CCDC169: variants seen among roughly 807,000 people sequenced by gnomAD.
CCDC169 encodes coiled-coil domain containing 169, also known as coiled-coil domain-containing protein 169.
CCDC169 carries 30 observed loss-of-function variants against 36.0 expected under a neutral mutation model. That is an observed-to-expected ratio of 0.83 (90% CI 0.62 to 1.13). CCDC169 has a LOEUF of 1.13. Among genes scored for constraint, CCDC169 ranks in the 50% most tolerant of loss-of-function variants. The probability of loss-of-function intolerance (pLI) is 0.00; values close to 1 mark genes in which losing one functional copy is unlikely to be tolerated. For missense variants in CCDC169, 245 were observed against 245.9 expected (o/e 1.00, Z 0.03); for synonymous variants, 85 against 81.5 (o/e 1.04, Z -0.23).
chr13:36,231,325 A>C, intron 7 of CCDC169, 33 bp from the exon 8 acceptor site: 1 of 1,546,190 alleles, frequency 6.5e-7, no homozygotes, highest in African/African-American at 1.4e-5. Flanking sequence ...ATAATTTTTC[A>C]GTCACCATTA....
intron 7 of CCDC169, among the ~76,000 whole-genome samples, chr13:36,242,909 A>G (rs1198172085): frequency 1.3e-5 from 2 of 152,160 alleles, no homozygotes; most frequent in Admixed American, 1.3e-4. Flanking sequence ...GTGGGGAGGA[A>G]TGAGTTTGGC....
intron 4 of CCDC169, among the ~76,000 whole-genome samples, chr13:36,255,818 C>T (rs537264330): frequency 8.5e-4 from 130 of 152,332 alleles, no homozygotes; most frequent in African/African-American, 2.6e-3. Flanking sequence ...TTGTCATCCA[C>T]AGTCTTCAGA....
chr13:36,243,301 A>G (rs1026756525), intron 7 of CCDC169, among the ~76,000 whole-genome samples: 1 of 152,062 alleles, frequency 6.6e-6, no homozygotes, highest in African/African-American at 2.4e-5. Context: ...GGAGTTCGAG[A>G]CCAGCCTGGC....
chr13:36,274,808 T>C (rs368724686), intron 4 of CCDC169, among the ~76,000 whole-genome samples: 21 of 151,764 alleles, frequency 1.4e-4, no homozygotes, highest in Middle Eastern at 3.4e-3. Flanking sequence ...AAAGTATACT[T>C]AGGTTTTTAA....
intron 6 of CCDC169, among the ~76,000 whole-genome samples, 168 bp downstream of exon 6, chr13:36,253,635 C>T (rs9546884): frequency 0.41 from 61,652 of 151,950 alleles, 13,281 homozygotes; most frequent in Non-Finnish European, 0.48. Flanking sequence ...GTGCCCAGCC[C>T]TTTTTATTTT....
At chr13:36,249,216 ATCATT>A (rs1566066320) in intron 6 of CCDC169, among the ~76,000 whole-genome samples, 38 of 152,340 alleles carry the variant, frequency 2.5e-4, no homozygotes, top group Non-Finnish European at 2.6e-4. Flanking sequence ...AGTGAATGAG[ATCATT>A]CATTGAGGGT....
At chr13:36,235,552 C>T (rs1870969693) in intron 7 of CCDC169, among the ~76,000 whole-genome samples, 1 of 151,850 alleles carries the variant, frequency 6.6e-6, no homozygotes, top group African/African-American at 2.4e-5. Context: ...AAAGCTTTCT[C>T]TCTAAGATAA....
intron 4 of CCDC169, among the ~76,000 whole-genome samples, chr13:36,282,225 A>G (rs1192575214): frequency 6.6e-6 from 1 of 152,218 alleles, no homozygotes; most frequent in Non-Finnish European, 1.5e-5. Flanking sequence ...CTATCCCACA[A>G]AAGCAACTAA....
intron 1 of CCDC169, among the ~76,000 whole-genome samples, 171 bp downstream of exon 1, chr13:36,297,466 A>G (rs558554668): frequency 6.6e-6 from 1 of 152,284 alleles, no homozygotes; most frequent in South Asian, 2.1e-4. Context: ...TTACTCAAAG[A>G]GGCACGTGAA....
At chr13:36,284,686 C>G (rs1470433661) in intron 2 of CCDC169, among the ~76,000 whole-genome samples, 1 of 152,200 alleles carries the variant, frequency 6.6e-6, no homozygotes, top group Non-Finnish European at 1.5e-5. Context: ...CCAAAGCTAA[C>G]TTTTTCGAGT....
chr13:36,261,528 T>A (rs1245852843), intron 4 of CCDC169, among the ~76,000 whole-genome samples: 5 of 151,918 alleles, frequency 3.3e-5, no homozygotes, highest in Non-Finnish European at 7.3e-5. Context: ...AGAAGGAAGT[T>A]TGTTTGTTTT....
At chr13:36,247,516 GT>G (rs138458115) in intron 7 of CCDC169, among the ~76,000 whole-genome samples, 21,883 of 152,164 alleles carry the variant, frequency 0.14, 1,750 homozygotes, top group Non-Finnish European at 0.18. Context: ...ATTAAAAGAA[GT>G]TTGGAAGAAG....
chr13:36,245,075 G>C (rs935399883), intron 7 of CCDC169, among the ~76,000 whole-genome samples: 1 of 152,152 alleles, frequency 6.6e-6, no homozygotes, highest in Non-Finnish European at 1.5e-5. Context: ...CTATACTTGA[G>C]TGGCTCTTAC....
intron 4 of CCDC169, among the ~76,000 whole-genome samples, chr13:36,266,049 T>A (rs1294935992): frequency 7.2e-5 from 11 of 152,180 alleles, no homozygotes. Flanking sequence ...AAACTTTGAC[T>A]AGTATTGCAG....
intron 6 of CCDC169, among the ~76,000 whole-genome samples, chr13:36,249,357 A>G (rs928983839): frequency 2.0e-5 from 3 of 152,202 alleles, no homozygotes; most frequent in Non-Finnish European, 4.4e-5. Flanking sequence ...CTACTATCAT[A>G]GAAGTCAAGT....
chr13:36,227,135 A>G (rs896573225), downstream of CCDC169: 67 of 1,000,502 alleles, frequency 6.7e-5, no homozygotes, highest in Non-Finnish European at 8.9e-5. Flanking sequence ...TTCCTGGGGG[A>G]GGCTTAAAGA....
At chr13:36,231,339 AC>A in intron 7 of CCDC169, 47 bp from the exon 8 acceptor site, 1 of 1,520,128 alleles carries the variant, frequency 6.6e-7, no homozygotes, top group Non-Finnish European at 8.9e-7. Context: ...ACCATTATGT[AC>A]AACAAAAACA....
chr13:36,275,859 A>T (rs757725422), intron 4 of CCDC169, among the ~76,000 whole-genome samples: 3 of 152,188 alleles, frequency 2.0e-5, no homozygotes, highest in Non-Finnish European at 4.4e-5. Context: ...TGAAGAAAAG[A>T]TAAGTAGGTC....
At chr13:36,229,275 C>T (rs991698824), downstream of CCDC169, among the ~76,000 whole-genome samples, 26 of 152,078 alleles carry the variant, frequency 1.7e-4, no homozygotes, top group African/African-American at 6.0e-4. Context: ...CTTGGAGTCC[C>T]TCATTTCAGT....
Sources: gnomAD v4.1 joint callset for allele counts (sites outside exome capture counted in the v4.1 genomes callset) on GRCh38, gnomAD v4.1.1 for gene constraint, MANE v1.5 for transcripts, NCBI Gene and HGNC (gene_info 2026-07-23, HGNC 2026-07-21) for gene names.